Variants in ACVR1 observed in about 807,000 individuals in gnomAD.
ACVR1 encodes the protein activin receptor type-1.
Under a neutral mutation model 57.1 loss-of-function variants are expected in ACVR1, and 38 were observed. That is an observed-to-expected ratio of 0.67 (90% CI 0.51 to 0.87). The LOEUF (loss-of-function observed/expected upper bound fraction) is 0.87. ACVR1 is among the 40% of genes least tolerant of loss of function. The pLI is 0.00. For synonymous variants in ACVR1, 212 were observed against 228.1 expected (o/e 0.93, Z 0.63); for missense variants, 463 against 638.2 (o/e 0.73, Z 2.96).
At chr2:157,784,099 G>A (rs960803217) in intron 3 of ACVR1, among the ~76,000 whole-genome samples, 3 of 152,182 alleles carry the variant, frequency 2.0e-5, no homozygotes, top group African/African-American at 4.8e-5. Flanking sequence ...GGAAGACAGC[G>A]GGACTCCAAA....
intron 1 of ACVR1, among the ~76,000 whole-genome samples, chr2:157,839,983 G>GA: frequency 6.6e-6 from 1 of 152,298 alleles, no homozygotes; most frequent in South Asian, 2.1e-4. Context: ...AGGTGTGGTT[G>GA]AAAACCAATC....
intron 3 of ACVR1, among the ~76,000 whole-genome samples, chr2:157,781,213 A>G (rs1268633936): frequency 3.9e-5 from 6 of 152,226 alleles, no homozygotes; most frequent in Admixed American, 3.9e-4. Flanking sequence ...GAATAGTTGT[A>G]TTTATCCTGG....
At chr2:157,869,884 C>A (rs1690059570) in intron 1 of ACVR1, among the ~76,000 whole-genome samples, 1 of 152,208 alleles carries the variant, frequency 6.6e-6, no homozygotes, top group African/African-American at 2.4e-5. Flanking sequence ...CACTTTCACT[C>A]CTATGCATAT....
intron 6 of ACVR1, among the ~76,000 whole-genome samples, chr2:157,772,237 A>G (rs1146032): frequency 0.92 from 139,289 of 152,222 alleles, 64,667 homozygotes; most frequent in Non-Finnish European, 0.99. Context: ...AGAGCTGCCC[A>G]AAAGCCCTGG....
At chr2:157,808,041 C>T (rs1687623179) in intron 2 of ACVR1, among the ~76,000 whole-genome samples, 1 of 152,120 alleles carries the variant, frequency 6.6e-6, no homozygotes, top group Non-Finnish European at 1.5e-5. Flanking sequence ...GTCTCACTCC[C>T]ACACTCCAAG....
chr2:157,797,059 A>T (rs1399068598), intron 3 of ACVR1, among the ~76,000 whole-genome samples: 8 of 152,234 alleles, frequency 5.3e-5, no homozygotes, highest in African/African-American at 1.9e-4. Flanking sequence ...GCAGTAGGAA[A>T]AAACAGGTGA....
rs762684873 is a variant in ACVR1, at chr2:157,766,125, T to G, written c.862A>C (p.Met288Leu). ...TGAAGATAGTCGTACAACGATCCCA[T>G]TTCATGATAATGTGTAATTAACCAC... The part of the protein sequence containing the change: ...QLWLITHYHE[M>L]GSLYDYLQLT... The change falls in exon 8 of 11, where the codon ATG becomes CTG. Residue 288 changes from methionine (M) to leucine (L), a missense_variant. Physicochemically the swap from Met to Leu is conservative, Grantham distance 15. Transcript: ENST00000434821. 3 of 1,614,146 alleles carry G rather than the reference T, an allele frequency of 1.9e-6. No individual in the cohort carries two copies. The highest frequency in any genetic ancestry group is 1.7e-6 in the Non-Finnish European group (2 of 1,179,986).
chr2:157,755,597 T>C (rs573691565), intron 9 of ACVR1, among the ~76,000 whole-genome samples: 2 of 151,898 alleles, frequency 1.3e-5, no homozygotes, highest in South Asian at 2.1e-4. Context: ...CTTAGGAATA[T>C]ACCTAACCAA....
chr2:157,872,988 A>AT (rs1283826899), intron 1 of ACVR1, among the ~76,000 whole-genome samples: 1 of 152,220 alleles, frequency 6.6e-6, no homozygotes. Context: ...ACAAACGCAT[A>AT]TTTATGACTA....
chr2:157,866,105 G>C (rs1048131934), intron 1 of ACVR1, among the ~76,000 whole-genome samples: 1 of 152,036 alleles, frequency 6.6e-6, no homozygotes, highest in African/African-American at 2.4e-5. Flanking sequence ...AAAATGTATA[G>C]GAACTCATAT....
chr2:157,790,947 C>T (rs552784128), intron 3 of ACVR1, among the ~76,000 whole-genome samples: 48 of 152,312 alleles, frequency 3.2e-4, no homozygotes, highest in Non-Finnish European at 6.2e-4. Flanking sequence ...ACCTTAATTC[C>T]GTCTCATGAC....
intron 1 of ACVR1, among the ~76,000 whole-genome samples, chr2:157,864,306 G>A (rs1689840408): frequency 6.6e-6 from 1 of 151,900 alleles, no homozygotes; most frequent in Non-Finnish European, 1.5e-5. Context: ...TGACCTCCCT[G>A]TTCAAGTAAT....
intron 9 of ACVR1, among the ~76,000 whole-genome samples, chr2:157,755,446 T>C (rs1302002846): frequency 2.0e-5 from 3 of 152,094 alleles, no homozygotes; most frequent in East Asian, 1.9e-4. Flanking sequence ...CACAGATCAA[T>C]AGTTCTGCTA....
chr2:157,847,143 C>G (rs1418886475), intron 1 of ACVR1, among the ~76,000 whole-genome samples: 1 of 152,130 alleles, frequency 6.6e-6, no homozygotes, highest in Non-Finnish European at 1.5e-5. Context: ...ATTTTAATAC[C>G]TATTTTACAT....
intron 3 of ACVR1, among the ~76,000 whole-genome samples, chr2:157,798,928 G>A (rs539228064): frequency 7.3e-5 from 11 of 151,254 alleles, no homozygotes; most frequent in South Asian, 2.1e-4. Context: ...ACAGAGTCTC[G>A]CTCTGTTGCC....
chr2:157,757,404 C>T (rs149613692), intron 9 of ACVR1, among the ~76,000 whole-genome samples: 98 of 151,886 alleles, frequency 6.5e-4, no homozygotes, highest in Middle Eastern at 6.8e-3. Context: ...GCTCAAAGAT[C>T]CCCAAAAAGA....
intron 1 of ACVR1, among the ~76,000 whole-genome samples, chr2:157,874,674 C>T (rs1260572672): frequency 6.6e-6 from 1 of 152,156 alleles, no homozygotes; most frequent in East Asian, 1.9e-4. Flanking sequence ...CTTGGGCTGT[C>T]AGAGCAATCT....
At chr2:157,870,014 C>CATCT (rs1690063682) in intron 1 of ACVR1, among the ~76,000 whole-genome samples, 1 of 152,176 alleles carries the variant, frequency 6.6e-6, no homozygotes, top group South Asian at 2.1e-4. Context: ...AAATCAAGCA[C>CATCT]ATCTTACTTT....
intron 1 of ACVR1, among the ~76,000 whole-genome samples, chr2:157,851,071 G>C (rs1294091889): frequency 6.6e-6 from 1 of 152,062 alleles, no homozygotes; most frequent in African/African-American, 2.4e-5. Context: ...TACATTCAAA[G>C]GGTGCTATTT....
Sources: gnomAD v4.1 joint callset for allele counts (sites outside exome capture counted in the v4.1 genomes callset) on GRCh38, gnomAD v4.1.1 for gene constraint, MANE v1.5 for transcripts, NCBI Gene and HGNC (gene_info 2026-07-23, HGNC 2026-07-21) for gene names.